MINDY3: variants seen among roughly 807,000 people sequenced by gnomAD.
MINDY3 encodes MINDY lysine 48 deubiquitinase 3.
In MINDY3, 38 loss-of-function variants were observed where a neutral mutation model predicts 69.2. The observed-to-expected ratio is 0.55, with a 90% CI of 0.42 to 0.72. MINDY3 has a LOEUF of 0.72. MINDY3 is among the 30% of genes least tolerant of loss of function. The pLI, the probability that MINDY3 is intolerant of heterozygous loss-of-function variation, is 0.00. For missense variants in MINDY3, 522 were observed against 519.0 expected, an observed-to-expected ratio of 1.01 and a Z score of -0.06; for synonymous variants, 192 against 180.1, an observed-to-expected ratio of 1.07 and a Z score of -0.53.
chr10:15,785,471 T>C (rs572262055), intron 13 of MINDY3, among the ~76,000 whole-genome samples: 1 of 152,326 alleles, frequency 6.6e-6, no homozygotes, highest in East Asian at 1.9e-4. Flanking sequence ...AAAGTTCCGA[T>C]AGCAGCCTTG....
At chr10:15,814,395 T>C (rs892358916) in intron 10 of MINDY3, among the ~76,000 whole-genome samples, 3 of 151,920 alleles carry the variant, frequency 2.0e-5, no homozygotes, top group Non-Finnish European at 4.4e-5. Flanking sequence ...TTAGGGGATA[T>C]AAACGTCACT....
chr10:15,810,791 AATAT>A (rs1205837465), intron 10 of MINDY3, among the ~76,000 whole-genome samples: 1 of 152,178 alleles, frequency 6.6e-6, no homozygotes, highest in Non-Finnish European at 1.5e-5. Context: ...AAAACAAGTA[AATAT>A]ACAGGACGAA....
At chr10:15,836,263 T>C (rs115928094) in intron 6 of MINDY3, among the ~76,000 whole-genome samples, 2,292 of 152,078 alleles carry the variant, frequency 0.015, 47 homozygotes, top group African/African-American at 0.049. Context: ...AGCTTTCCCA[T>C]ATAGAAAACT....
chr10:15,829,053 C>T (rs1159608357), intron 8 of MINDY3, among the ~76,000 whole-genome samples: 4 of 152,122 alleles, frequency 2.6e-5, no homozygotes, highest in Non-Finnish European at 4.4e-5. Flanking sequence ...CAGTTTCCCT[C>T]AAAAGCCTAG....
chr10:15,847,855 CTA>C lies in MINDY3; in HGVS notation c.174+7_174+8del. On this transcript the variant is annotated splice_region_variant and intron_variant, in intron 2 of 14. Coordinates refer to ENST00000277632, the MANE Select transcript of MINDY3 (RefSeq NM_024948.4). Reference sequence around the variant, plus strand: ...CCCTCTAAGGAGTTGGTAAAGGAGTCTATGTTACCTGAACAGGTGCAATAACA... The same window carrying C: ...CCCTCTAAGGAGTTGGTAAAGGAGTCTGTTACCTGAACAGGTGCAATAACA... The C allele has an allele frequency of 1.2e-6, 2 of 1,608,886 alleles. No individual in the cohort carries two copies. Among genetic ancestry groups the C allele is most frequent in the Non-Finnish European group, 1.7e-6 (2 of 1,175,300 alleles).
intron 2 of MINDY3, among the ~76,000 whole-genome samples, chr10:15,847,170 A>C (rs1219897379): frequency 6.6e-6 from 1 of 152,220 alleles, no homozygotes; most frequent in Non-Finnish European, 1.5e-5. Context: ...ACTGTCATTC[A>C]CAGACATCAT....
intron 1 of MINDY3, among the ~76,000 whole-genome samples, chr10:15,857,124 T>G (rs1588668228): frequency 6.6e-6 from 1 of 152,178 alleles, no homozygotes; most frequent in African/African-American, 2.4e-5. Context: ...TCATTTCTTA[T>G]ATCATCTTTT....
intron 2 of MINDY3, among the ~76,000 whole-genome samples, chr10:15,845,220 G>C (rs1021057290): frequency 1.3e-5 from 2 of 151,100 alleles, no homozygotes; most frequent in Non-Finnish European, 3.0e-5. Context: ...TGGGATTTAT[G>C]GAAGTTTATT....
chr10:15,782,038 AAG>A (rs1302138389), intron 14 of MINDY3, 115 bp downstream of exon 14: 35 of 772,052 alleles, frequency 4.5e-5, no homozygotes, highest in Non-Finnish European at 6.9e-5. Flanking sequence ...CCTCATAGTA[AAG>A]AGACTCCTGG....
intron 14 of MINDY3, among the ~76,000 whole-genome samples, chr10:15,781,386 A>T (rs1204929469): frequency 6.7e-6 from 1 of 148,520 alleles, no homozygotes; most frequent in African/African-American, 2.5e-5. Flanking sequence ...ATTAGCTATA[A>T]CTAATACATA....
At chr10:15,792,747 A>G (rs1837514782) in intron 11 of MINDY3, among the ~76,000 whole-genome samples, 1 of 152,142 alleles carries the variant, frequency 6.6e-6, no homozygotes, top group Admixed American at 6.6e-5. Flanking sequence ...TTCCTGACAT[A>G]TAATTGTACA....
intron 4 of MINDY3, among the ~76,000 whole-genome samples, chr10:15,840,322 CT>C (rs983119791): frequency 1.8e-4 from 28 of 151,660 alleles, no homozygotes; most frequent in Non-Finnish European, 3.1e-4. Flanking sequence ...ATGTTAAGTT[CT>C]TTTTGAAAGG....
At chr10:15,840,055 T>C (rs1385330834) in intron 4 of MINDY3, among the ~76,000 whole-genome samples, 2 of 151,710 alleles carry the variant, frequency 1.3e-5, no homozygotes, top group Admixed American at 6.6e-5. Flanking sequence ...GAAAATGTTA[T>C]ATAAAAAGAT....
intron 10 of MINDY3, among the ~76,000 whole-genome samples, chr10:15,798,087 C>G (rs1300196025): frequency 6.6e-6 from 1 of 152,122 alleles, no homozygotes; most frequent in Non-Finnish European, 1.5e-5. Context: ...CTGTTACATT[C>G]TCAACCTTTT....
chr10:15,826,151 A>G (rs1337045223), intron 8 of MINDY3, among the ~76,000 whole-genome samples: 1 of 152,212 alleles, frequency 6.6e-6, no homozygotes, highest in African/African-American at 2.4e-5. Context: ...AGAGAGGAGA[A>G]AGACCACAAA....
chr10:15,797,443 T>TA (rs1246505272), intron 10 of MINDY3, among the ~76,000 whole-genome samples: 1 of 152,162 alleles, frequency 6.6e-6, no homozygotes, highest in African/African-American at 2.4e-5. Context: ...GCTGATAATG[T>TA]ATACGCCCAA....
At chr10:15,826,005 A>G (rs146571104) in intron 8 of MINDY3, among the ~76,000 whole-genome samples, 1 of 152,264 alleles carries the variant, frequency 6.6e-6, no homozygotes, top group East Asian at 1.9e-4. Context: ...ATGGACAAAA[A>G]TAATGTACAA....
intron 4 of MINDY3, 80 bp downstream of exon 4, chr10:15,841,346 T>G (rs1014702664): frequency 4.3e-6 from 5 of 1,168,210 alleles, no homozygotes; most frequent in Non-Finnish European, 6.0e-6. Flanking sequence ...TTTTAAGTAA[T>G]TTTTTCTTCA....
At chr10:15,831,395 GA>G (rs997123032) in intron 8 of MINDY3, among the ~76,000 whole-genome samples, 70 of 152,278 alleles carry the variant, frequency 4.6e-4, no homozygotes, top group African/African-American at 1.6e-3. Flanking sequence ...TTTTAAGTTT[GA>G]TGACTGAACA....
Sources: gnomAD v4.1 joint callset for allele counts (sites outside exome capture counted in the v4.1 genomes callset) on GRCh38, gnomAD v4.1.1 for gene constraint, MANE v1.5 for transcripts, NCBI Gene and HGNC (gene_info 2026-07-23, HGNC 2026-07-21) for gene names.